ITPR1: variants seen among roughly 807,000 people sequenced by gnomAD.
The protein encoded by ITPR1 is inositol 1,4,5-trisphosphate-gated calcium channel ITPR1.
In ITPR1, 96 loss-of-function variants were observed where a neutral mutation model predicts 318.4. The ratio of observed to expected loss-of-function variants is 0.30; its 90% CI spans 0.26 to 0.36. ITPR1 has a LOEUF of 0.36. Among genes scored for constraint, ITPR1 ranks in the 10% least tolerant of loss-of-function variants. The pLI, the probability that ITPR1 is intolerant of heterozygous loss-of-function variation, is 1.00. For synonymous variants in ITPR1, 1,312 were observed against 1,289.9 expected, an observed-to-expected ratio of 1.02 and a Z score of -0.37; for missense variants, 2,440 against 3,460.2, an observed-to-expected ratio of 0.71 and a Z score of 7.40.
At chr3:4,822,374 A>G (rs533770843) in intron 60 of ITPR1, among the ~76,000 whole-genome samples, 1 of 152,320 alleles carries the variant, frequency 6.6e-6, no homozygotes, top group South Asian at 2.1e-4. Context: ...GAAAAGTCAG[A>G]GTGGGCATCT....
At chr3:4,697,454 C>CTTTTTTTTTTTTTT (rs2094578243) in intron 34 of ITPR1, among the ~76,000 whole-genome samples, 182 bp downstream of exon 34, 2 of 70,600 alleles carry the variant, frequency 2.8e-5, no homozygotes, top group South Asian at 3.0e-4. Flanking sequence ...ATCCTTTCTT[C>CTTTTTTTTTTTTTT]CTTTTTTTTT....
chr3:4,642,125 A>C lies in ITPR1; in HGVS notation c.399A>C (p.Thr133=). The C allele has an allele frequency of 6.2e-7, 1 of 1,608,486 alleles. No individual in the cohort carries two copies. Among genetic ancestry groups the C allele is most frequent in the South Asian group, 1.1e-5 (1 of 90,008 alleles). ...LLHLKSNKYL[T]VNKRLPALLE... The stretch of plus-strand genomic sequence containing the variant: ...ATTTGAAAAGTAATAAATACCTAAC[A>C]GTGAATAAGAGGCTTCCTGCTCTGT... The change falls in exon 7 of 62, where the codon ACA becomes ACC. Residue 133 remains threonine (T), a synonymous_variant. Coordinates refer to ENST00000649015, the MANE Select transcript of ITPR1 (RefSeq NM_001378452.1).
At chr3:4,814,817 G>A (rs1022869850) in intron 58 of ITPR1, 5 of 598,136 alleles carry the variant, frequency 8.4e-6, no homozygotes, top group South Asian at 6.5e-5. Context: ...ATCAGGGTTA[G>A]GCCTGATCCA....
intron 2 of ITPR1, among the ~76,000 whole-genome samples, chr3:4,498,275 A>G (rs906840000): frequency 1.3e-5 from 2 of 152,236 alleles, no homozygotes; most frequent in Admixed American, 6.5e-5. Flanking sequence ...TGGGGATTAG[A>G]TCTTTACTAC....
At chr3:4,543,867 A>T (rs1309897221) in intron 4 of ITPR1, among the ~76,000 whole-genome samples, 1 of 152,230 alleles carries the variant, frequency 6.6e-6, no homozygotes, top group African/African-American at 2.4e-5. Context: ...TATCTTATGT[A>T]GTGAAAGTCT....
At chr3:4,802,716 C>G (rs1472868859) in intron 54 of ITPR1, among the ~76,000 whole-genome samples, 1 of 151,908 alleles carries the variant, frequency 6.6e-6, no homozygotes, top group African/African-American at 2.4e-5. Context: ...GTAATCCCAG[C>G]TACTTGGGAG....
At chr3:4,783,231 C>T (rs1344925406) in intron 50 of ITPR1, among the ~76,000 whole-genome samples, 2 of 152,148 alleles carry the variant, frequency 1.3e-5, no homozygotes, top group Non-Finnish European at 2.9e-5. Context: ...CATAATTCTC[C>T]TTCCAAGCGG....
intron 4 of ITPR1, among the ~76,000 whole-genome samples, chr3:4,596,647 C>T (rs1324940676): frequency 6.6e-6 from 1 of 152,142 alleles, no homozygotes; most frequent in East Asian, 1.9e-4. Flanking sequence ...TGCTAGAATC[C>T]TTTTAATTCT....
At chr3:4,577,698 C>A (rs906323769) in intron 4 of ITPR1, among the ~76,000 whole-genome samples, 1 of 152,144 alleles carries the variant, frequency 6.6e-6, no homozygotes, top group Non-Finnish European at 1.5e-5. Context: ...AAAGTCGTGT[C>A]CTCTGTAACC....
At chr3:4,756,940 T>C (rs1262920384) in intron 44 of ITPR1, among the ~76,000 whole-genome samples, 3 of 152,252 alleles carry the variant, frequency 2.0e-5, no homozygotes, top group Non-Finnish European at 4.4e-5. Context: ...TTGGTAGTAA[T>C]CAAAGTGTTT....
At chr3:4,827,197 G>A (rs1575398383) in intron 60 of ITPR1, among the ~76,000 whole-genome samples, 1 of 152,040 alleles carries the variant, frequency 6.6e-6, no homozygotes, top group Non-Finnish European at 1.5e-5. Flanking sequence ...CTCCTGCCCC[G>A]ACAGCACCAC....
intron 4 of ITPR1, among the ~76,000 whole-genome samples, chr3:4,550,731 T>G (rs2085480294): frequency 6.6e-6 from 1 of 151,966 alleles, no homozygotes; most frequent in African/African-American, 2.4e-5. Flanking sequence ...AATTAAAAAG[T>G]TAGCGAGGCA....
Position 4,559,064 on chromosome 3 carries a change from C to T in ITPR1, c.163+37970C>T, listed in dbSNP as rs117310747. On this transcript the variant is annotated intron_variant, in intron 4 of 61. Coordinates refer to ENST00000649015, the MANE Select transcript of ITPR1 (RefSeq NM_001378452.1). ...TTAGAGATGGGGTCTTGCTATGTTG[C>T]CTAGGCTGGTCTCAAACTCCTGGGT... is the stretch of plus-strand genomic sequence containing the variant. Among the ~76,000 whole-genome samples the T allele has an allele frequency of 1.0e-3, 155 of 152,102 alleles. 4 individuals are homozygous for T. In the East Asian group the frequency reaches 0.025, roughly 24 times the overall value.
intron 4 of ITPR1, among the ~76,000 whole-genome samples, chr3:4,600,498 G>T (rs1375227205): frequency 6.6e-6 from 1 of 151,744 alleles, no homozygotes; most frequent in Non-Finnish European, 1.5e-5. Flanking sequence ...GTGTGTGTGT[G>T]TGCGTGTTTG....
chr3:4,521,780 G>A (rs1486550300), intron 4 of ITPR1, among the ~76,000 whole-genome samples: 1 of 152,180 alleles, frequency 6.6e-6, no homozygotes, highest in Non-Finnish European at 1.5e-5. Flanking sequence ...GAGGTTGGGA[G>A]GATCACCTGA....
At chr3:4,540,501 T>G (rs112483279) in intron 4 of ITPR1, among the ~76,000 whole-genome samples, 77 of 152,354 alleles carry the variant, frequency 5.1e-4, no homozygotes, top group African/African-American at 1.9e-3. Flanking sequence ...TTTATATTTA[T>G]GATTTTAATT....
At chr3:4,845,997 G>GTT in intron 61 of ITPR1, 142 bp from the exon 62 acceptor site, 1 of 494,238 alleles carries the variant, frequency 2.0e-6, no homozygotes, top group South Asian at 4.1e-5. Context: ...AGTGCTGTGT[G>GTT]TTTGATATAG....
At chr3:4,794,466 A>G (rs899586593) in intron 52 of ITPR1, among the ~76,000 whole-genome samples, 1 of 152,156 alleles carries the variant, frequency 6.6e-6, no homozygotes, top group African/African-American at 2.4e-5. Flanking sequence ...TGATCATCCA[A>G]CTTCAGGGAA....
chr3:4,795,848 T>C (rs1248387846), intron 53 of ITPR1, among the ~76,000 whole-genome samples: 1 of 152,224 alleles, frequency 6.6e-6, no homozygotes, highest in Non-Finnish European at 1.5e-5. Flanking sequence ...GGCATTTTGC[T>C]ATTTGGGGCC....
Sources: allele counts gnomAD v4.1 joint callset (sites outside exome capture counted in the v4.1 genomes callset), GRCh38; gene constraint gnomAD v4.1.1; transcripts MANE v1.5; gene names NCBI Gene and HGNC (gene_info 2026-07-23, HGNC 2026-07-21).